NDUFA12: variants seen among roughly 807,000 people sequenced by gnomAD.
NDUFA12 encodes NADH dehydrogenase [ubiquinone] 1 alpha subcomplex subunit 12.
A neutral mutation model predicts 20.3 loss-of-function variants in NDUFA12; 17 were observed. The observed-to-expected ratio is 0.84, with a 90% CI of 0.57 to 1.26. NDUFA12 has a LOEUF of 1.26. Ranked by LOEUF, NDUFA12 falls within the 50% of genes most tolerant of loss-of-function variation. The pLI, the probability that NDUFA12 is intolerant of heterozygous loss-of-function variation, is 0.00. For missense variants in NDUFA12, 191 were observed against 183.7 expected (o/e 1.04, Z -0.23); for synonymous variants, 72 against 63.6 (o/e 1.13, Z -0.63).
intron 3 of NDUFA12, among the ~76,000 whole-genome samples, chr12:94,980,117 AG>A: frequency 6.6e-6 from 1 of 152,074 alleles, no homozygotes; most frequent in East Asian, 1.9e-4. Context: ...CTACCTTGCT[AG>A]CTACTTACCT....
chr12:94,987,684 C>T (rs1052139049), intron 3 of NDUFA12, among the ~76,000 whole-genome samples: 1 of 151,246 alleles, frequency 6.6e-6, no homozygotes, highest in Non-Finnish European at 1.5e-5. Flanking sequence ...GCCTGTAATC[C>T]CACCTACTTG....
At chr12:94,994,364 C>CTT (rs1232349963) in intron 2 of NDUFA12, 107 bp from the exon 3 acceptor site, 1 of 822,024 alleles carries the variant, frequency 1.2e-6, no homozygotes, top group African/African-American at 1.7e-5. Context: ...TTTTTGTGAT[C>CTT]TTATATAAGA....
chr12:95,001,567 G>C (rs1402738766), intron 2 of NDUFA12, among the ~76,000 whole-genome samples: 1 of 152,162 alleles, frequency 6.6e-6, no homozygotes, highest in African/African-American at 2.4e-5. Flanking sequence ...AGTTGAGGCT[G>C]TAGTGAGCCA....
At chr12:94,981,082 T>C (rs546568273) in intron 3 of NDUFA12, among the ~76,000 whole-genome samples, 1 of 151,728 alleles carries the variant, frequency 6.6e-6, no homozygotes, top group African/African-American at 2.4e-5. Context: ...AAATTGGCAT[T>C]GAACAAAATA....
At chr12:94,982,513 T>A (rs951785187) in intron 3 of NDUFA12, among the ~76,000 whole-genome samples, 2 of 152,110 alleles carry the variant, frequency 1.3e-5, no homozygotes, top group African/African-American at 4.8e-5. Flanking sequence ...CCTGACCTCA[T>A]GATCTGCCTG....
intron 2 of NDUFA12, 144 bp downstream of exon 2, chr12:95,002,595 G>T: frequency 1.4e-6 from 1 of 697,420 alleles, no homozygotes; most frequent in Non-Finnish European, 2.5e-6. Context: ...TCTTTTTTCT[G>T]TAAATTATCT....
chr12:94,983,030 C>T (rs1405789158), intron 3 of NDUFA12, among the ~76,000 whole-genome samples: 1 of 152,160 alleles, frequency 6.6e-6, no homozygotes, highest in Non-Finnish European at 1.5e-5. Context: ...CTCACCTTCT[C>T]ACGTGGTCGT....
intron 3 of NDUFA12, among the ~76,000 whole-genome samples, chr12:94,981,392 A>T (rs186740742): frequency 6.6e-6 from 1 of 152,304 alleles, no homozygotes; most frequent in African/African-American, 2.4e-5. Context: ...AGGCTGCAGT[A>T]AGCCAAGATC....
At chr12:95,002,424 A>AGAGC (rs10642803) in intron 2 of NDUFA12, among the ~76,000 whole-genome samples, 109,073 of 122,590 alleles carry the variant, frequency 0.89, 48,952 homozygotes, top group African/African-American at 0.97. Context: ...CCTGGCCGAC[A>AGAGC]GAGACTCCAT....
At chr12:94,992,289 A>C (rs1874671339) in intron 3 of NDUFA12, among the ~76,000 whole-genome samples, 1 of 152,254 alleles carries the variant, frequency 6.6e-6, no homozygotes, top group Non-Finnish European at 1.5e-5. Context: ...ATAAAGTCAT[A>C]CAAATTTTAG....
At chr12:94,984,807 A>G (rs541271519) in intron 3 of NDUFA12, among the ~76,000 whole-genome samples, 284 of 148,370 alleles carry the variant, frequency 1.9e-3, no homozygotes, top group African/African-American at 6.6e-3. Flanking sequence ...GTGAAACCCC[A>G]TCTCTATTAA....
At chr12:95,002,971 T>C (rs1875112671) in intron 1 of NDUFA12, 150 bp from the exon 2 acceptor site, 3 of 723,028 alleles carry the variant, frequency 4.1e-6, no homozygotes, top group Middle Eastern at 3.2e-4. Context: ...AAAAGATGAA[T>C]TGACAACTGA....
rs756573882 is a variant in NDUFA12, at chr12:95,002,791, C to A, written c.117G>T (p.Val39=). 2 of 1,613,942 alleles carry A rather than the reference C, an allele frequency of 1.2e-6. No homozygotes were observed. Among genetic ancestry groups the A allele is most frequent in the Non-Finnish European group, 1.7e-6 (2 of 1,179,982 alleles). ...ATTTGTTTCCATATTTGTCTTCCCC[C>A]ACTAATGTACCAACCTTCGCATCAT... ...RTNDAKVGTL[V]GEDKYGNKYY... is the part of the protein sequence containing the mutation. The change falls in exon 2 of 4, where the codon GTG becomes GTT. Residue 39 remains valine, a synonymous_variant. Coordinates refer to ENST00000327772, the MANE Select transcript of NDUFA12 (RefSeq NM_018838.5).
Position 94,995,870 on chromosome 12 carries a change from T to C in NDUFA12, c.170-1613A>G, listed in dbSNP as rs1443483465. ...ATAATGGTTCTTCCATACACTGGAA[T>C]GTTGTGTTGCTATTTTTAAAAATGC... On this transcript the variant is annotated intron_variant, in intron 2 of 3. Transcript: ENST00000327772. Among the ~76,000 whole-genome samples, 9 of 152,004 alleles carry C rather than the reference T, an allele frequency of 5.9e-5. No homozygotes were observed. In the South Asian group the frequency reaches 1.9e-3, roughly 32 times the overall value.
At chr12:94,987,649 A>T (rs970402826) in intron 3 of NDUFA12, among the ~76,000 whole-genome samples, 1 of 151,998 alleles carries the variant, frequency 6.6e-6, no homozygotes, top group Admixed American at 6.5e-5. Context: ...TAAAATACAA[A>T]AATTCGCCAG....
intron 1 of NDUFA12, 125 bp downstream of exon 1, chr12:95,003,470 T>A: frequency 9.9e-7 from 1 of 1,011,822 alleles, no homozygotes; most frequent in Non-Finnish European, 1.6e-6. Context: ...AGGCAGAGAT[T>A]GGGGCGGTTG....
At chr12:94,991,331 C>T (rs1874636776) in intron 3 of NDUFA12, among the ~76,000 whole-genome samples, 1 of 151,814 alleles carries the variant, frequency 6.6e-6, no homozygotes, top group Non-Finnish European at 1.5e-5. Context: ...CAAGTGGTTA[C>T]CCTATTGGAC....
At chr12:94,996,925 C>A (rs1324011797) in intron 2 of NDUFA12, 3 of 373,522 alleles carry the variant, frequency 8.0e-6, no homozygotes, top group South Asian at 6.5e-5. Context: ...CCATTAATTA[C>A]ATGATTAAGT....
chr12:94,992,622 AAGTT>A (rs1335687429), intron 3 of NDUFA12, among the ~76,000 whole-genome samples: 1 of 152,224 alleles, frequency 6.6e-6, no homozygotes, highest in East Asian at 1.9e-4. Context: ...TTGCAAGACT[AAGTT>A]AGATAAGGCA....
Sources: gnomAD v4.1 joint callset for allele counts (sites outside exome capture counted in the v4.1 genomes callset) on GRCh38, gnomAD v4.1.1 for gene constraint, MANE v1.5 for transcripts, NCBI Gene and HGNC (gene_info 2026-07-23, HGNC 2026-07-21) for gene names.